Variants in USP28 observed in about 807,000 individuals in gnomAD.
The protein encoded by USP28 is ubiquitin carboxyl-terminal hydrolase 28.
A neutral mutation model predicts 145.0 loss-of-function variants in USP28; 113 were observed. That is an observed-to-expected ratio of 0.78 (90% confidence interval 0.67 to 0.91). The LOEUF is 0.91. Among genes scored for constraint, USP28 ranks in the 40% least tolerant of loss-of-function variants. The probability of loss-of-function intolerance (pLI) is 0.00; values close to 1 mark genes in which losing one functional copy is unlikely to be tolerated. For synonymous variants in USP28, 447 were observed against 450.9 expected (o/e 0.99, Z 0.11); for missense variants, 1,201 against 1,289.6 (o/e 0.93, Z 1.05).
intron 5 of USP28, among the ~76,000 whole-genome samples, chr11:113,838,933 T>C (rs555089304): frequency 6.6e-6 from 1 of 152,228 alleles, no homozygotes; most frequent in Admixed American, 6.5e-5. Context: ...TGTACCATGA[T>C]GGAGAAGACT....
intron 11 of USP28, among the ~76,000 whole-genome samples, chr11:113,824,872 G>C (rs1375156529): frequency 1.3e-5 from 2 of 150,572 alleles, no homozygotes; most frequent in Non-Finnish European, 1.5e-5. Flanking sequence ...CAGAGGTTGC[G>C]GTGAGCCAAG....
chr11:113,849,982 G>A (rs1344398526), intron 3 of USP28, among the ~76,000 whole-genome samples: 1 of 152,116 alleles, frequency 6.6e-6, no homozygotes, highest in African/African-American at 2.4e-5. Context: ...TTCCTGGAGT[G>A]AGCCGTTTGA....
chr11:113,864,946 C>T (rs983090054), intron 1 of USP28, among the ~76,000 whole-genome samples: 1 of 152,260 alleles, frequency 6.6e-6, no homozygotes, highest in South Asian at 2.1e-4. Flanking sequence ...AAGCGATCCT[C>T]CCTCCTCAGC....
chr11:113,833,314 C>A, intron 7 of USP28, 106 bp downstream of exon 7: 1 of 1,454,644 alleles, frequency 6.9e-7, no homozygotes, highest in Non-Finnish European at 9.3e-7. Flanking sequence ...CATCCATAGT[C>A]CTGCTTAGTC....
chr11:113,813,903 G>C (rs61751530), exon 15 of USP28: 3 of 1,612,668 alleles, frequency 1.9e-6, no homozygotes, highest in Non-Finnish European at 1.7e-6. Flanking sequence ...GGAGAGGATC[G>C]CAGTACATCT....
intron 1 of USP28, among the ~76,000 whole-genome samples, chr11:113,867,035 C>T (rs1341488070): frequency 6.6e-6 from 1 of 151,968 alleles, no homozygotes; most frequent in Non-Finnish European, 1.5e-5. Context: ...AGATGCCACA[C>T]ATAATAGGTC....
intron 1 of USP28, among the ~76,000 whole-genome samples, chr11:113,863,298 A>G (rs1382490445): frequency 6.6e-6 from 1 of 152,206 alleles, no homozygotes; most frequent in Non-Finnish European, 1.5e-5. Context: ...AAAGAATAAA[A>G]TACTTAGGAA....
At chr11:113,823,734 T>C (rs1415515405) in intron 11 of USP28, 34 bp from the exon 12 acceptor site, 1 of 1,501,468 alleles carries the variant, frequency 6.7e-7, no homozygotes, top group Non-Finnish European at 9.1e-7. Flanking sequence ...CAATTTATAT[T>C]ATAAAACATT....
At chr11:113,806,264 T>C (rs1181250156) in intron 19 of USP28, among the ~76,000 whole-genome samples, 1 of 152,046 alleles carries the variant, frequency 6.6e-6, no homozygotes, top group Non-Finnish European at 1.5e-5. Flanking sequence ...AGATGGGATC[T>C]CATTATGTTG....
At position 113,875,462 on chromosome 11, in the gene USP28, C is replaced by CCG. The variant is rs1949286915; in HGVS notation, c.38_39dup (p.Ala14ArgfsTer13). On this transcript the variant is annotated frameshift_variant, in exon 1 of 25. Transcript: ENST00000003302. LOFTEE classifies it high-confidence loss of function. ...GAGCCCACCGAGCCGTGGCCGTCTG[C>CCG]CGCGCCGGCCGCGTCGTCCTGCTGC... The CCG allele has an allele frequency of 2.4e-6, 3 of 1,237,706 alleles. No homozygotes were observed. Among genetic ancestry groups the CCG allele is most frequent in the Non-Finnish European group, 2.0e-6 (2 of 985,918 alleles). 76.7% of individuals were successfully genotyped at this position (1,237,706 alleles called of 1,614,324 possible).
intron 18 of USP28, chr11:113,808,119 G>T: frequency 6.7e-7 from 1 of 1,503,684 alleles, no homozygotes; most frequent in South Asian, 1.2e-5. Flanking sequence ...TGGGCTTCTT[G>T]GGTTCAGCTT....
chr11:113,845,371 G>C (rs1355758588), intron 3 of USP28, among the ~76,000 whole-genome samples: 1 of 151,734 alleles, frequency 6.6e-6, no homozygotes, highest in East Asian at 1.9e-4. Flanking sequence ...GGGAGGTGGA[G>C]GCTCCACTGA....
At chr11:113,804,534 C>A in intron 21 of USP28, 139 bp downstream of exon 22, 1 of 675,450 alleles carries the variant, frequency 1.5e-6, no homozygotes, top group Non-Finnish European at 2.4e-6. Context: ...ATCATTTATC[C>A]ATTCTTTACC....
chr11:113,867,826 G>A (rs1293101406), intron 1 of USP28, among the ~76,000 whole-genome samples: 3 of 145,930 alleles, frequency 2.1e-5, no homozygotes, highest in South Asian at 2.2e-4. Context: ...AGGGAGGAAG[G>A]GAGGGAGGAA....
intron 1 of USP28, among the ~76,000 whole-genome samples, chr11:113,870,848 A>G (rs1196675741): frequency 1.3e-5 from 2 of 152,234 alleles, no homozygotes; most frequent in Non-Finnish European, 2.9e-5. Flanking sequence ...TGTTTTAGAA[A>G]TGAAACAGGT....
intron 1 of USP28, chr11:113,874,418 CTG>C: frequency 9.9e-7 from 1 of 1,014,752 alleles, no homozygotes; most frequent in Non-Finnish European, 1.2e-6. Flanking sequence ...GAGGGAGACT[CTG>C]TCGAAAAAAA....
In USP28 at chr11:113,832,020, A is replaced by C. The variant is rs774531988; in HGVS notation, c.760-27T>G. On this transcript the variant is annotated intron_variant, in intron 7 of 24. Transcript: ENST00000003302. Reference sequence around the variant, plus strand: ...TATAAGAGAGGCACAAATTGCATAAAAGTTAGATGCAATACTAAGAGAAAT... The same window carrying C: ...TATAAGAGAGGCACAAATTGCATAACAGTTAGATGCAATACTAAGAGAAAT... The C allele has an allele frequency of 2.5e-6, 4 of 1,591,700 alleles. No individual in the cohort carries two copies. In the African/African-American group the frequency reaches 5.5e-5, roughly 22 times the overall value.
chr11:113,842,625 A>C lies in USP28; in HGVS notation c.269-857T>G, dbSNP rs573704490. On this transcript the variant is annotated intron_variant, in intron 3 of 24. Coordinates refer to ENST00000003302, the Ensembl canonical transcript of USP28. ...GACCAAGTTGAGTTTACTGCAGGAA[A>C]AAAAAATGAGTTAATACTAGATGGA... Among the ~76,000 whole-genome samples, 4 of 152,208 alleles carry C rather than the reference A, an allele frequency of 2.6e-5. No homozygotes were observed. In the South Asian group the frequency reaches 8.3e-4, roughly 32 times the overall value.
At chr11:113,874,612 T>A in intron 1 of USP28, 1 of 1,288,312 alleles carries the variant, frequency 7.8e-7, no homozygotes, top group Non-Finnish European at 1.0e-6. Context: ...CGTTTTCTCT[T>A]GAAAAAGTGC....
Sources: allele counts gnomAD v4.1 joint callset (sites outside exome capture counted in the v4.1 genomes callset), GRCh38; gene constraint gnomAD v4.1.1; transcripts MANE v1.5; gene names NCBI Gene and HGNC (gene_info 2026-07-23, HGNC 2026-07-21).